Variants in DRC4 observed in about 807,000 individuals in gnomAD.
DRC4 encodes the protein GAS-11.
At chr16:90,036,951 C>G in the DRC4 span, 1 of 556,572 alleles carries the variant, frequency 1.8e-6, no homozygotes, top group Non-Finnish European at 3.2e-6. Flanking sequence ...TCACTGCATG[C>G]TGGCAGTGAC....
At chr16:90,029,879 G>C in the DRC4 span, 2 of 159,232 alleles carry the variant, frequency 1.3e-5, no homozygotes, top group Admixed American at 6.4e-5. Context: ...GCTTCAGGCT[G>C]CCCAGTAGCT....
the DRC4 span, among the ~76,000 whole-genome samples, chr16:90,026,066 C>T: frequency 6.6e-6 from 1 of 151,984 alleles, no homozygotes; most frequent in South Asian, 2.1e-4. Context: ...CTGCAGTGAG[C>T]TATGTGATCA....
the DRC4 span, chr16:90,019,913 G>C: frequency 1.5e-6 from 1 of 678,450 alleles, no homozygotes; most frequent in Non-Finnish European, 2.7e-6. This position sits in a 1 kb window ranked among gnomAD's most constrained non-coding sequence, Gnocchi z 6.1. Flanking sequence ...GGGTGGGGGC[G>C]AGGGCGTGTG....
the DRC4 span, chr16:90,037,774 C>A: frequency 3.7e-6 from 6 of 1,614,058 alleles, no homozygotes; most frequent in Non-Finnish European, 4.2e-6. Flanking sequence ...CACAAAAGCC[C>A]GTTTGAAAGT....
chr16:90,035,026 C>G, the DRC4 span, among the ~76,000 whole-genome samples: 1 of 151,144 alleles, frequency 6.6e-6, no homozygotes, highest in African/African-American at 2.4e-5. Flanking sequence ...GCCTCAGCCT[C>G]TCGACTAGCT....
chr16:90,031,155 AT>A, the DRC4 span: 3 of 1,511,462 alleles, frequency 2.0e-6, no homozygotes, highest in Non-Finnish European at 2.7e-6. Flanking sequence ...CTAGCCTTAT[AT>A]TTTAACTTTT....
At chr16:90,027,048 G>A in the DRC4 span, among the ~76,000 whole-genome samples, 1 of 151,470 alleles carries the variant, frequency 6.6e-6, no homozygotes, top group Non-Finnish European at 1.5e-5. Context: ...GAGTAACTGG[G>A]ACTATAGGCA....
At chr16:90,035,733 G>A in the DRC4 span, 101 of 1,613,972 alleles carry the variant, frequency 6.3e-5, no homozygotes, top group Non-Finnish European at 7.9e-5. Flanking sequence ...AGACACCCCC[G>A]CCCCATCAGA....
At chr16:90,020,617 C>T in the DRC4 span, among the ~76,000 whole-genome samples, 1 of 152,202 alleles carries the variant, frequency 6.6e-6, no homozygotes, top group African/African-American at 2.4e-5. Context: ...AATCTGAACT[C>T]GAATTCAATA....
chr16:90,022,851 G>A, the DRC4 span: 1 of 943,192 alleles, frequency 1.1e-6, no homozygotes, highest in Non-Finnish European at 1.4e-6. Flanking sequence ...GGAATTGAGA[G>A]CTCGGTGCTC....
chr16:90,027,292 G>T, the DRC4 span, among the ~76,000 whole-genome samples: 1 of 151,824 alleles, frequency 6.6e-6, no homozygotes, highest in Non-Finnish European at 1.5e-5. Context: ...GTTTCACTGT[G>T]TTAGCCGGGA....
At chr16:90,044,731 CT>C in the DRC4 span, 5 of 410,570 alleles carry the variant, frequency 1.2e-5, no homozygotes, top group East Asian at 3.6e-4. Flanking sequence ...ACCTGTCAGA[CT>C]TGGGTGAGCA....
chr16:90,043,561 C>G, the DRC4 span: 2 of 597,820 alleles, frequency 3.3e-6, no homozygotes, highest in African/African-American at 3.7e-5. Flanking sequence ...CCCTGGGTGC[C>G]GCACGTCCAG....
the DRC4 span, among the ~76,000 whole-genome samples, chr16:90,028,395 A>C: frequency 6.6e-6 from 1 of 151,372 alleles, no homozygotes; most frequent in Admixed American, 6.6e-5. Flanking sequence ...TCACCGTGTT[A>C]GCCAGGATGG....
chr16:90,040,508 A>G, the DRC4 span: 1 of 1,596,892 alleles, frequency 6.3e-7, no homozygotes, highest in Non-Finnish European at 8.5e-7. Flanking sequence ...CGCAAGCTGG[A>G]GGTAGGCCCT....
chr16:90,023,454 G>A, the DRC4 span, among the ~76,000 whole-genome samples: 3 of 152,204 alleles, frequency 2.0e-5, no homozygotes, highest in African/African-American at 7.2e-5. Context: ...TGGCAGGGTG[G>A]GTTTCAGCTG....
the DRC4 span, chr16:90,040,117 T>C: frequency 0.56 from 351,664 of 631,064 alleles, 103,538 homozygotes; most frequent in African/African-American, 0.72. Flanking sequence ...ACTGCGTGGA[T>C]GGCTCTACAA....
At chr16:90,039,954 A>G in the DRC4 span, 2 of 339,526 alleles carry the variant, frequency 5.9e-6, no homozygotes, top group Non-Finnish European at 1.2e-5. Flanking sequence ...ATCTCACCTG[A>G]GCCCACAGCC....
chr16:90,036,003 C>T, the DRC4 span: 5 of 1,039,326 alleles, frequency 4.8e-6, no homozygotes, highest in East Asian at 3.0e-5. Flanking sequence ...CTCCATGGCT[C>T]CTGGTCTGAG....
Sources: allele counts gnomAD v4.1 joint callset (sites outside exome capture counted in the v4.1 genomes callset), GRCh38; gene constraint gnomAD v4.1.1; non-coding constraint Gnocchi (gnomAD v3.1); transcripts MANE v1.5; gene names NCBI Gene and HGNC (gene_info 2026-07-23, HGNC 2026-07-21).